ZHX1: variants seen among roughly 807,000 people sequenced by gnomAD.
The protein encoded by ZHX1 is zinc fingers and homeoboxes protein 1.
In ZHX1, 20 loss-of-function variants were observed where a neutral mutation model predicts 61.8. The ratio of observed to expected loss-of-function variants is 0.32; its 90% CI spans 0.23 to 0.47. The LOEUF is 0.47. ZHX1 is among the 20% of genes least tolerant of loss of function. ZHX1 has a pLI of 1.00. For missense variants in ZHX1, 800 were observed against 1,034.8 expected, an observed-to-expected ratio of 0.77 and a Z score of 3.11; for synonymous variants, 318 against 352.6, an observed-to-expected ratio of 0.90 and a Z score of 1.10.
At chr8:123,274,950 T>G (rs775379125), upstream of ZHX1, among the ~76,000 whole-genome samples, 1 of 152,118 alleles carries the variant, frequency 6.6e-6, no homozygotes, top group Non-Finnish European at 1.5e-5. Context: ...CCCAGCGCCC[T>G]GACAGAAGTC....
chr8:123,250,438 C>T (rs1825887578), intron 3 of ZHX1, 118 bp from the exon 4 acceptor site: 1 of 335,796 alleles, frequency 3.0e-6, no homozygotes, highest in Admixed American at 4.3e-5. Flanking sequence ...AGATTACCTG[C>T]CACATATGTC....
intron 2 of ZHX1, among the ~76,000 whole-genome samples, chr8:123,256,590 T>TC (rs1006725189): frequency 6.6e-6 from 1 of 151,916 alleles, no homozygotes; most frequent in Non-Finnish European, 1.5e-5. Context: ...ATGGTGAAAC[T>TC]CCGTCTCTAC....
At chr8:123,250,699 A>C (rs1242564285) in intron 3 of ZHX1, among the ~76,000 whole-genome samples, 1 of 152,172 alleles carries the variant, frequency 6.6e-6, no homozygotes, top group Non-Finnish European at 1.5e-5. Flanking sequence ...CTATTTTGGG[A>C]AGGTTTTGGT....
intron 2 of ZHX1, among the ~76,000 whole-genome samples, chr8:123,259,344 T>A (rs1826174632): frequency 6.6e-6 from 1 of 152,222 alleles, no homozygotes; most frequent in South Asian, 2.1e-4. Flanking sequence ...CCAAATGTTA[T>A]AAACTAAGCC....
At position 123,265,145 on chromosome 8, in the gene ZHX1, C is replaced by T. The variant is rs558318701; in HGVS notation, c.-226+2128G>A. ...AGAAGGTTGCAGTAAGCCGAGATTG[C>T]GCCATTGCACTCCAGCCTGGATGAT... is the stretch of plus-strand genomic sequence containing the variant. On this transcript the variant is annotated intron_variant, in intron 2 of 3. Coordinates refer to ENST00000395571, the MANE Select transcript of ZHX1 (RefSeq NM_007222.5). Among the ~76,000 whole-genome samples, 319 of 149,024 alleles carry T rather than the reference C, an allele frequency of 2.1e-3. 4 individuals carry two copies. Among genetic ancestry groups the T allele is most frequent in the Admixed American group, 8.7e-4 (13 of 14,882 alleles).
rs1477292907 is a variant in ZHX1, at chr8:123,253,439, C to T, written c.2508G>A (p.Glu836=). 4.3e-6 allele frequency: 7 copies of T among 1,613,946 alleles called. No homozygotes were observed. The highest frequency in any genetic ancestry group is 1.1e-5 in the South Asian group (1 of 91,086). Residue 836 remains glutamate, a synonymous_variant, in exon 3 of 4, where the codon GAG becomes GAA. Transcript: ENST00000395571. ...GGTCATCAATAACTTCATCTTCCTC[C>T]TCATTTTCCTCAAATAATTCTATAC... The part of the protein sequence containing the change: ...ELGIELFEEN[E]EEDEVIDDQE...
At chr8:123,253,183 T>G (rs1825965628) in intron 3 of ZHX1, 139 bp downstream of exon 3, 1 of 608,702 alleles carries the variant, frequency 1.6e-6, no homozygotes, top group Non-Finnish European at 2.8e-6. Context: ...GCTATACTAG[T>G]GGTACCTAGT....
intron 1 of ZHX1, 190 bp downstream of exon 1, chr8:123,274,027 G>A (rs993622141): frequency 6.6e-6 from 1 of 152,514 alleles, no homozygotes; most frequent in Non-Finnish European, 1.5e-5. Flanking sequence ...GCCCCACGCC[G>A]GGTCCACCCC....
chr8:123,267,919 T>G (rs2131221034), intron 1 of ZHX1, among the ~76,000 whole-genome samples: 1 of 152,284 alleles, frequency 6.6e-6, no homozygotes, highest in South Asian at 2.1e-4. Flanking sequence ...GAGAATCGCT[T>G]GAACCGGGGA....
At chr8:123,260,682 C>T (rs1263718686) in intron 2 of ZHX1, among the ~76,000 whole-genome samples, 1 of 152,056 alleles carries the variant, frequency 6.6e-6, no homozygotes, top group African/African-American at 2.4e-5. Flanking sequence ...ATCAAAAATC[C>T]TCCTCTCATT....
chr8:123,255,758 A>T lies in ZHX1; in HGVS notation c.189T>A (p.Asn63Lys), dbSNP rs760106115. 2.2e-5 allele frequency: 35 copies of T among 1,613,768 alleles called. No homozygotes were observed. The highest frequency in any genetic ancestry group is 3.3e-5 in the Admixed American group (2 of 59,954). Residue 63 changes from asparagine (N) to lysine (K), a missense_variant, in exon 3 of 4, where the codon AAT (asparagine) becomes AAA (lysine). By Grantham distance (94) the Asn-to-Lys change is moderately conservative. Coordinates refer to ENST00000395571, the MANE Select transcript of ZHX1 (RefSeq NM_007222.5). ...ATTCATATCCACCTTCAACTTTTTT[A>T]TTTTGCTGATTGTCTGAATCCACAG... ...HESVDSDNQQ[N>K]KKVEGGYECK...
At chr8:123,269,102 C>G (rs1017290458) in intron 1 of ZHX1, among the ~76,000 whole-genome samples, 10 of 152,144 alleles carry the variant, frequency 6.6e-5, no homozygotes, top group African/African-American at 2.2e-4. Flanking sequence ...CCTGGTATCT[C>G]CTTGTTCCGC....
intron 2 of ZHX1, chr8:123,263,001 A>G (rs1164297298): frequency 6.6e-6 from 1 of 150,440 alleles, no homozygotes; most frequent in Admixed American, 6.6e-5. Flanking sequence ...AGGAAGGAAG[A>G]AAGAGAAGGA....
In ZHX1 at chr8:123,256,040, T is replaced by A. The variant is rs1180315602; in HGVS notation, c.-94A>T. ...TCATTTGAAAACAATGGCTTTTGGT[T>A]CTTCAAGTCCATTTTTGTGCTCAAC... is the stretch of plus-strand genomic sequence containing the variant. On this transcript the variant is annotated 5_prime_UTR_variant, in exon 3 of 4. Coordinates refer to ENST00000395571, the MANE Select transcript of ZHX1 (RefSeq NM_007222.5). The A allele has an allele frequency of 4.1e-6, 5 of 1,221,340 alleles. No homozygotes were observed. The highest frequency in any genetic ancestry group is 5.6e-6 in the Non-Finnish European group (5 of 887,844). The allele number at this position is 1,221,340 out of a possible 1,614,324, so 75.7% of individuals were successfully genotyped here. A position where few individuals can be genotyped will look rare whatever the true frequency, so the allele number is the denominator to read the frequency against.
intron 1 of ZHX1, among the ~76,000 whole-genome samples, chr8:123,269,990 T>C (rs1467737736): frequency 6.6e-6 from 1 of 152,138 alleles, no homozygotes; most frequent in Non-Finnish European, 1.5e-5. Context: ...ACAAACTTTT[T>C]CTGACCTTAG....
chr8:123,271,944 G>C (rs2131228994), intron 1 of ZHX1, among the ~76,000 whole-genome samples: 1 of 152,346 alleles, frequency 6.6e-6, no homozygotes, highest in Middle Eastern at 3.4e-3. Context: ...TTCGGATTTA[G>C]CATATTTTCA....
chr8:123,255,736 C>T lies in ZHX1; in HGVS notation c.211G>A (p.Glu71Lys). ...QQNKKVEGGY[E>K]CKYCTFQTPD... ...GTTTGAAAAGTACAATATTTACATT[C>T]ATATCCACCTTCAACTTTTTTATTT... The change falls in exon 3 of 4, where the codon GAA (glutamate) becomes AAA (lysine). Residue 71 changes from glutamate (E) to lysine (K), a missense_variant. Physicochemically the swap from Glu to Lys is moderately conservative, Grantham distance 56. Transcript: ENST00000395571. 6.2e-7 allele frequency: 1 copy of T among 1,613,760 alleles called. No homozygotes were observed. Among genetic ancestry groups the T allele is most frequent in the Non-Finnish European group, 8.5e-7 (1 of 1,179,942 alleles).
intron 2 of ZHX1, among the ~76,000 whole-genome samples, chr8:123,265,541 G>A (rs1826428829): frequency 6.6e-6 from 1 of 151,926 alleles, no homozygotes; most frequent in African/African-American, 2.4e-5. Context: ...AAAAATAAAG[G>A]TGATTTTATA....
rs1340707323 is a variant in ZHX1 at position 123,250,117 on chromosome 8, T to C, written c.*207A>G. The C allele has an allele frequency of 5.3e-6, 2 of 380,246 alleles. No homozygotes were observed. Among genetic ancestry groups the C allele is most frequent in the South Asian group, 1.9e-5 (1 of 53,112 alleles). The allele number at this position is 380,246 out of a possible 1,614,324, so 23.6% of individuals were successfully genotyped here. On this transcript the variant is annotated 3_prime_UTR_variant, in exon 4 of 4. Transcript: ENST00000395571. ...TTTACAAGTTGTTTTTTAATTAGTG[T>C]TCTATTTACATTGCAGAACTTCCAC...
Sources: allele counts gnomAD v4.1 joint callset (sites outside exome capture counted in the v4.1 genomes callset), GRCh38; gene constraint gnomAD v4.1.1; transcripts MANE v1.5; gene names NCBI Gene and HGNC (gene_info 2026-07-23, HGNC 2026-07-21).